Variants in TRPM2 observed in about 807,000 individuals in gnomAD.
The protein encoded by TRPM2 is estrogen-responsive element-associated gene 1 protein.
TRPM2 carries 161 observed loss-of-function variants against 174.0 expected under a neutral mutation model. That is an observed-to-expected ratio of 0.93 (90% CI 0.81 to 1.05). The LOEUF is 1.05. Ranked by LOEUF, TRPM2 falls within the 50% of genes least tolerant of loss-of-function variation. The pLI is 0.00. For synonymous variants in TRPM2, 954 were observed against 861.3 expected (o/e 1.11, Z -1.88); for missense variants, 2,057 against 2,038.0 (o/e 1.01, Z -0.18).
At chr21:44,370,175 C>G (rs555137618) in intron 5 of TRPM2, among the ~76,000 whole-genome samples, 2 of 152,196 alleles carry the variant, frequency 1.3e-5, no homozygotes, top group South Asian at 4.1e-4. Flanking sequence ...GCGAGGGTTC[C>G]GCTAACAGAG....
intron 28 of TRPM2, among the ~76,000 whole-genome samples, chr21:44,436,328 C>T (rs1444726080): frequency 6.6e-6 from 1 of 152,120 alleles, no homozygotes; most frequent in Admixed American, 6.5e-5. Context: ...GCTGGGACCT[C>T]CCCCCAGCGG....
chr21:44,356,196 TG>T (rs1408201907), intron 2 of TRPM2, among the ~76,000 whole-genome samples: 1 of 126,222 alleles, frequency 7.9e-6, no homozygotes, highest in Non-Finnish European at 1.6e-5. Flanking sequence ...TATTTTTAAT[TG>T]TTTTTTTTTT....
At position 44,391,692 on chromosome 21, in the gene TRPM2, C is replaced by G. The variant is rs45500391; in HGVS notation, c.1794+67C>G. ...GGGCTACTGCTATGTTCTTAGAGCT[C>G]TCTGTTTTTAAAATTAGCTTTTATT... On this transcript the variant is annotated intron_variant, in intron 11 of 31. Transcript: ENST00000397928. This position sits in a 1 kb window ranked among gnomAD's most constrained non-coding sequence, Gnocchi z 5.0. 3.0e-3 allele frequency: 4,028 copies of G among 1,360,500 alleles called. 69 individuals are homozygous for G. The African/African-American group carries it at 0.046, about 16-fold the overall frequency. 84.3% of individuals were successfully genotyped at this position (1,360,500 alleles called of 1,614,324 possible). A position where few individuals can be genotyped will look rare whatever the true frequency, so the allele number is the denominator to read the frequency against.
intron 8 of TRPM2, among the ~76,000 whole-genome samples, chr21:44,380,426 T>C (rs1292342071): frequency 6.6e-6 from 1 of 152,186 alleles, no homozygotes; most frequent in East Asian, 1.9e-4. Context: ...CCTGGAGCCC[T>C]CTCTCTGCTG....
chr21:44,424,212 G>A (rs1209749659), intron 23 of TRPM2, among the ~76,000 whole-genome samples: 1 of 152,218 alleles, frequency 6.6e-6, no homozygotes, highest in Non-Finnish European at 1.5e-5. Context: ...GAGCCCTGTG[G>A]ATGGCTCAGC....
At chr21:44,398,386 A>C (rs2053082944) in intron 13 of TRPM2, among the ~76,000 whole-genome samples, 1 of 152,106 alleles carries the variant, frequency 6.6e-6, no homozygotes, top group South Asian at 2.1e-4. Context: ...TTTTTAATAG[A>C]GATGGGGTTT....
chr21:44,418,228 G>GCTGCTGGCCTT (rs1406167373), intron 21 of TRPM2, 120 bp downstream of exon 21: 29 of 1,416,160 alleles, frequency 2.0e-5, no homozygotes, highest in Non-Finnish European at 2.6e-5. Flanking sequence ...GGTCACTCAG[G>GCTGCTGGCCTT]CTGCTGGCCT....
rs1305956788 is a variant in TRPM2, at chr21:44,366,014, G to T, written c.424-740G>T. On this transcript the variant is annotated intron_variant, in intron 3 of 31. Transcript: ENST00000397928. The surrounding 1 kb of genome is among the most constrained non-coding windows in gnomAD (Gnocchi z 6.0). ...TTTCTGGATTTCACCCATCACCTTT[G>T]TGTCTCTGCTAGGCCAATCCCGGCG... is the stretch of plus-strand genomic sequence containing the variant. 6.6e-6 allele frequency among the ~76,000 whole-genome samples: 1 copy of T among 152,216 alleles called. No homozygotes were observed. The highest frequency in any genetic ancestry group is 1.5e-5 in the Non-Finnish European group (1 of 68,038).
rs1235080002 is a variant in TRPM2, at chr21:44,405,149, A to G, written c.2546A>G (p.Tyr849Cys). The G allele has an allele frequency of 3.7e-6, 6 of 1,613,430 alleles. No homozygotes were observed. The highest frequency in any genetic ancestry group is 3.3e-5 in the South Asian group (3 of 91,084). Residue 849 changes from tyrosine (Y) to cysteine (C), a missense_variant, in exon 17 of 32, where the codon TAT becomes TGT. Transcript: ENST00000397928. Reference sequence around the variant, plus strand: ...CGCCCCTCTTCCCAGTAGCTCTTCTATGACCCTGACGAGTGCGGGCTGATG... The same window carrying G: ...CGCCCCTCTTCCCAGTAGCTCTTCTGTGACCCTGACGAGTGCGGGCTGATG... Reference protein sequence around the residue: ...LVCEEMRQLFYDPDECGLMKK... With the variant: ...LVCEEMRQLFCDPDECGLMKK...
rs137996679 is a variant in TRPM2, at chr21:44,369,277, G to A, written c.705G>A (p.Glu235=). ...FSLSSSYKEG[E]LITIGVATWG... The stretch of plus-strand genomic sequence containing the variant: ...TGAGCAGCAGCTACAAGGAAGGCGA[G>A]CTCATCACCATCGGAGTCGCCACCT... The change falls in exon 5 of 32, where the codon GAG becomes GAA. Residue 235 remains glutamate (E), a synonymous_variant. Coordinates refer to ENST00000397928, the MANE Select transcript of TRPM2 (RefSeq NM_003307.4). 9.9e-6 allele frequency: 16 copies of A among 1,613,686 alleles called. No individual in the cohort carries two copies. In the African/African-American group the frequency reaches 1.5e-4, roughly 15 times the overall value.
In TRPM2 at chr21:44,418,558, A is replaced by G. The variant is rs1400992270; in HGVS notation, c.3461+3A>G. On this transcript the variant is annotated splice_donor_region_variant and intron_variant, in intron 22 of 31. Coordinates refer to ENST00000397928, the MANE Select transcript of TRPM2 (RefSeq NM_003307.4). Reference sequence around the variant, plus strand: ...AAGATCGAGGACATCAGCAATAAGTATGGGGGCTCCGGTGGGCCTGGGGGC... The same window carrying G: ...AAGATCGAGGACATCAGCAATAAGTGTGGGGGCTCCGGTGGGCCTGGGGGC... 6 of 1,613,682 alleles carry G rather than the reference A, an allele frequency of 3.7e-6. No homozygotes were observed. Among genetic ancestry groups the G allele is most frequent in the African/African-American group, 2.7e-5 (2 of 74,924 alleles).
intron 19 of TRPM2, among the ~76,000 whole-genome samples, chr21:44,413,492 C>T (rs2050173987): frequency 6.6e-6 from 1 of 152,180 alleles, no homozygotes; most frequent in Non-Finnish European, 1.5e-5. Flanking sequence ...ATCCGCCCGC[C>T]TTGGCCTCCC....
intron 27 of TRPM2, among the ~76,000 whole-genome samples, chr21:44,430,327 A>G (rs979563470): frequency 1.3e-5 from 2 of 151,904 alleles, no homozygotes; most frequent in African/African-American, 4.8e-5. Context: ...GAATGTTTGT[A>G]TGAGGTGGAG....
In TRPM2 at chr21:44,401,900, A is replaced by G; in HGVS notation, c.2538+3A>G. On this transcript the variant is annotated splice_donor_region_variant and intron_variant, in intron 16 of 31. Coordinates refer to ENST00000397928, the MANE Select transcript of TRPM2 (RefSeq NM_003307.4). ...TGGTGTGCGAGGAGATGCGGCAGGT[A>G]CAGCCCCACCCGCTTTTCCACGCCC... 6.2e-7 allele frequency: 1 copy of G among 1,613,376 alleles called. No individual in the cohort carries two copies. The highest frequency in any genetic ancestry group is 1.1e-5 in the South Asian group (1 of 91,072).
intron 22 of TRPM2, among the ~76,000 whole-genome samples, chr21:44,419,814 AGTG>A (rs1177948490): frequency 4.4e-5 from 5 of 112,662 alleles, no homozygotes; most frequent in African/African-American, 1.7e-4. Flanking sequence ...TGATGTTGGC[AGTG>A]GTGGTGGTGG....
intron 27 of TRPM2, among the ~76,000 whole-genome samples, chr21:44,429,272 C>CTTTTTT (rs1601245878): frequency 3.2e-5 from 2 of 62,340 alleles, no homozygotes; most frequent in African/African-American, 5.7e-5. Flanking sequence ...ACATTTTTTT[C>CTTTTTT]TTTTTCTTTT....
At chr21:44,407,341 A>C (rs1475910895) in intron 19 of TRPM2, among the ~76,000 whole-genome samples, 1 of 147,602 alleles carries the variant, frequency 6.8e-6, no homozygotes, top group Non-Finnish European at 1.5e-5. Flanking sequence ...GGCCCAGGCT[A>C]GTATCGAACT....
chr21:44,396,892 C>CTGTGGAGGGGTGTGGAGGGG (rs1478631398), intron 12 of TRPM2, among the ~76,000 whole-genome samples: 1 of 11,894 alleles, frequency 8.4e-5, no homozygotes, highest in East Asian at 1.8e-3. Flanking sequence ...GTGTGGAGGG[C>CTGTGGAGGGGTGTGGAGGGG]TGTGGAGGGG....
At chr21:44,365,784 C>G (rs1472835211) in intron 3 of TRPM2, among the ~76,000 whole-genome samples, 1 of 152,188 alleles carries the variant, frequency 6.6e-6, no homozygotes, top group Non-Finnish European at 1.5e-5. Flanking sequence ...AGACCCTGTA[C>G]TGCAGCAGGT....
Sources: gnomAD v4.1 joint callset for allele counts (sites outside exome capture counted in the v4.1 genomes callset) on GRCh38, gnomAD v4.1.1 for gene constraint, Gnocchi (gnomAD v3.1) non-coding constraint, MANE v1.5 for transcripts, NCBI Gene and HGNC (gene_info 2026-07-23, HGNC 2026-07-21) for gene names.